Variants in SGCZ observed in about 807,000 individuals in gnomAD.
SGCZ encodes the protein zeta-sarcoglycan.
SGCZ carries 40 observed loss-of-function variants against 41.3 expected under a neutral mutation model. That is an observed-to-expected ratio of 0.97 (90% CI 0.75 to 1.26). SGCZ has a LOEUF of 1.26. Ranked by LOEUF, SGCZ falls within the 50% of genes most tolerant of loss-of-function variation. The probability of loss-of-function intolerance (pLI) is 0.00; values close to 1 mark genes in which losing one functional copy is unlikely to be tolerated. For missense variants in SGCZ, 552 were observed against 369.8 expected (o/e 1.49, Z -4.04); for synonymous variants, 206 against 137.5 (o/e 1.50, Z -3.49).
At chr8:14,109,764 G>C (rs1022952537) in intron 5 of SGCZ, among the ~76,000 whole-genome samples, 6 of 152,054 alleles carry the variant, frequency 3.9e-5, no homozygotes, top group African/African-American at 1.4e-4. Context: ...TACAGACCTT[G>C]ATCATGAATA....
intron 1 of SGCZ, among the ~76,000 whole-genome samples, chr8:15,081,905 A>T (rs1048844052): frequency 4.6e-5 from 7 of 152,238 alleles, no homozygotes; most frequent in Non-Finnish European, 1.0e-4. Flanking sequence ...CGAGGAAAAA[A>T]GTAAATACTA....
At chr8:14,669,768 G>C (rs1808043965) in intron 1 of SGCZ, among the ~76,000 whole-genome samples, 1 of 151,466 alleles carries the variant, frequency 6.6e-6, no homozygotes, top group South Asian at 2.1e-4. Flanking sequence ...CTTTTAGTAT[G>C]TTTCCATATC....
chr8:14,437,811 G>T (rs1800136356), intron 2 of SGCZ, among the ~76,000 whole-genome samples: 1 of 151,492 alleles, frequency 6.6e-6, no homozygotes, highest in African/African-American at 2.4e-5. Context: ...AACATTTCAT[G>T]CATTTAATAA....
intron 1 of SGCZ, among the ~76,000 whole-genome samples, chr8:14,654,120 TAC>T (rs142354842): frequency 1.1e-4 from 17 of 151,528 alleles, no homozygotes; most frequent in African/African-American, 3.1e-4. Flanking sequence ...TATATATATA[TAC>T]ACACACACAC....
intron 1 of SGCZ, among the ~76,000 whole-genome samples, chr8:14,795,662 ATTGT>A (rs1430827514): frequency 6.6e-6 from 1 of 152,078 alleles, no homozygotes. Context: ...AGACTTCTTT[ATTGT>A]TTATTTTTTT....
intron 2 of SGCZ, among the ~76,000 whole-genome samples, chr8:14,386,494 C>T (rs1389717681): frequency 1.3e-5 from 2 of 152,130 alleles, no homozygotes; most frequent in African/African-American, 2.4e-5. Flanking sequence ...TAAAAATATA[C>T]TTGCTCCAGC....
chr8:14,221,434 G>C (rs545220258), intron 4 of SGCZ, among the ~76,000 whole-genome samples: 1 of 152,294 alleles, frequency 6.6e-6, no homozygotes, highest in Non-Finnish European at 1.5e-5. Flanking sequence ...TCCTACCACA[G>C]TGCCTGAAAT....
intron 1 of SGCZ, among the ~76,000 whole-genome samples, chr8:14,957,685 A>C (rs1158810400): frequency 6.6e-6 from 1 of 151,998 alleles, no homozygotes; most frequent in East Asian, 1.9e-4. Flanking sequence ...TAATTATTTT[A>C]ATCCCTCTAT....
intron 1 of SGCZ, among the ~76,000 whole-genome samples, chr8:14,992,563 A>AC (rs750555628): frequency 3.8e-4 from 57 of 150,652 alleles, no homozygotes; most frequent in Non-Finnish European, 6.2e-4. Context: ...ATTGATATTT[A>AC]CCCCTCACCC....
intron 3 of SGCZ, among the ~76,000 whole-genome samples, chr8:14,305,806 G>T (rs1039808152): frequency 6.6e-6 from 1 of 152,028 alleles, no homozygotes; most frequent in Non-Finnish European, 1.5e-5. Flanking sequence ...ACTTGTATTG[G>T]TTTATGGGAC....
At chr8:14,551,514 T>TA (rs1563404411) in intron 2 of SGCZ, among the ~76,000 whole-genome samples, 84 of 11,566 alleles carry the variant, frequency 7.3e-3, no homozygotes, top group African/African-American at 0.019. Flanking sequence ...ATATTATATA[T>TA]ATTATATATA....
At chr8:15,012,676 T>A (rs369710320) in intron 1 of SGCZ, among the ~76,000 whole-genome samples, 1 of 116,414 alleles carries the variant, frequency 8.6e-6, no homozygotes, top group Non-Finnish European at 1.7e-5. Flanking sequence ...ATTTATTATA[T>A]ATTTATAATA....
chr8:15,183,977 A>C (rs533321227), intron 1 of SGCZ, among the ~76,000 whole-genome samples: 13 of 152,194 alleles, frequency 8.5e-5, no homozygotes, highest in Non-Finnish European at 1.8e-4. Context: ...TATTGTAAGA[A>C]AGAATGATGT....
intron 1 of SGCZ, among the ~76,000 whole-genome samples, chr8:14,854,449 T>C (rs903115049): frequency 1.1e-4 from 17 of 152,094 alleles, no homozygotes; most frequent in African/African-American, 3.9e-4. Flanking sequence ...TATACACATT[T>C]ATTTTTACAA....
At chr8:14,408,950 A>AGTGTGTGTGTGTGTGT (rs36121697) in intron 2 of SGCZ, among the ~76,000 whole-genome samples, 3,838 of 126,338 alleles carry the variant, frequency 0.03, 155 homozygotes, top group African/African-American at 0.086. Context: ...TTAAATTAAG[A>AGTGTGTGTGTGTGTGT]GAGTGTGTGT....
chr8:15,214,267 A>C (rs893561605), intron 1 of SGCZ, among the ~76,000 whole-genome samples: 2 of 152,130 alleles, frequency 1.3e-5, no homozygotes, highest in Non-Finnish European at 2.9e-5. Flanking sequence ...ACTAAGCAGA[A>C]AGTTTGATTT....
chr8:14,114,800 C>T (rs938708779), intron 5 of SGCZ, among the ~76,000 whole-genome samples: 4 of 151,894 alleles, frequency 2.6e-5, no homozygotes, highest in Non-Finnish European at 5.9e-5. Flanking sequence ...CATTTTGTAA[C>T]CTTCAAGAAG....
At chr8:14,898,897 A>T (rs1296770147) in intron 1 of SGCZ, among the ~76,000 whole-genome samples, 3 of 152,190 alleles carry the variant, frequency 2.0e-5, no homozygotes, top group African/African-American at 4.8e-5. Flanking sequence ...TTTAGAGAGG[A>T]AAATTGTTCT....
intron 1 of SGCZ, among the ~76,000 whole-genome samples, chr8:14,992,687 T>G (rs897612627): frequency 3.0e-5 from 4 of 132,964 alleles, no homozygotes; most frequent in African/African-American, 1.2e-4. Flanking sequence ...GTGTTACCCT[T>G]GATATTTACC....
Sources: gnomAD v4.1 joint callset for allele counts (sites outside exome capture counted in the v4.1 genomes callset) on GRCh38, gnomAD v4.1.1 for gene constraint, MANE v1.5 for transcripts, NCBI Gene and HGNC (gene_info 2026-07-23, HGNC 2026-07-21) for gene names.